The following VPS13D variants were observed in gnomAD, a reference collection of about 807,000 sequenced individuals.
VPS13D encodes the protein vacuolar protein sorting 13 homolog D, also known as intermembrane lipid transfer protein VPS13D.
Under a neutral mutation model 461.9 loss-of-function variants are expected in VPS13D, and 187 were observed. The observed-to-expected ratio is 0.40, with a 90% CI of 0.36 to 0.46. The LOEUF is 0.46. Ranked by LOEUF, VPS13D falls within the 20% of genes least tolerant of loss-of-function variation. VPS13D has a pLI of 0.60. For missense variants in VPS13D, 4,711 were observed against 5,364.9 expected (o/e 0.88, Z 3.81); for synonymous variants, 1,951 against 1,986.3 (o/e 0.98, Z 0.47).
At chr1:12,454,513 A>T (rs1464978580) in intron 65 of VPS13D, among the ~76,000 whole-genome samples, 1 of 152,256 alleles carries the variant, frequency 6.6e-6, no homozygotes, top group Non-Finnish European at 1.5e-5. Flanking sequence ...CCTAGGTTGT[A>T]AAATATTTGG....
intron 30 of VPS13D, among the ~76,000 whole-genome samples, chr1:12,316,086 A>G (rs1159253108): frequency 6.6e-6 from 1 of 152,136 alleles, no homozygotes; most frequent in Non-Finnish European, 1.5e-5. Context: ...AAGTGCTGGG[A>G]TTACAGGTGT....
intron 63 of VPS13D, among the ~76,000 whole-genome samples, chr1:12,412,324 A>T (rs1361772166): frequency 6.6e-6 from 1 of 152,244 alleles, no homozygotes; most frequent in Non-Finnish European, 1.5e-5. Flanking sequence ...ATTTCTCTGC[A>T]GTTGAAAAGC....
rs957114542 is a variant in VPS13D, at chr1:12,288,278, A to T, written c.5690A>T (p.Asn1897Ile). Reference sequence around the variant, plus strand: ...ACCACCAGTGAGCTTGCCAAAGCAAATGTGTCCAAATTAGTAGCACACCTG... The same window carrying T: ...ACCACCAGTGAGCTTGCCAAAGCAATTGTGTCCAAATTAGTAGCACACCTG... Reference protein sequence around the residue: ...NKTTSELAKANVSKLVAHLEM... With the variant: ...NKTTSELAKAIVSKLVAHLEM... Residue 1897 changes from asparagine to isoleucine, a missense_variant, in exon 22 of 70, where the codon AAT (asparagine) becomes ATT (isoleucine). By Grantham distance (149) the Asn-to-Ile change is moderately radical. Transcript: ENST00000620676. The T allele has an allele frequency of 2.5e-6, 4 of 1,614,052 alleles. No individual in the cohort carries two copies. Among genetic ancestry groups the T allele is most frequent in the Admixed American group, 1.7e-5 (1 of 60,010 alleles).
At chr1:12,233,217 G>C (rs560081576) in intron 1 of VPS13D, among the ~76,000 whole-genome samples, 5 of 152,062 alleles carry the variant, frequency 3.3e-5, no homozygotes, top group African/African-American at 1.2e-4. Context: ...TGTTGGCCAG[G>C]CTGGGTTTGG....
At chr1:12,342,509 A>G (rs1643592071) in intron 41 of VPS13D, among the ~76,000 whole-genome samples, 2 of 152,254 alleles carry the variant, frequency 1.3e-5, no homozygotes, top group African/African-American at 4.8e-5. Context: ...ATTTGAAATC[A>G]CATTTCTCCG....
At chr1:12,448,655 A>G (rs1372841985) in intron 65 of VPS13D, among the ~76,000 whole-genome samples, 1 of 152,216 alleles carries the variant, frequency 6.6e-6, no homozygotes, top group African/African-American at 2.4e-5. Context: ...TAGAAAAACT[A>G]TAGGGAAAAT....
At chr1:12,437,657 C>T (rs1645078794) in intron 65 of VPS13D, among the ~76,000 whole-genome samples, 1 of 151,940 alleles carries the variant, frequency 6.6e-6, no homozygotes, top group Non-Finnish European at 1.5e-5. Context: ...TCCATCCTTT[C>T]TTTTTCCATT....
chr1:12,294,977 C>CT (rs1294428075), intron 24 of VPS13D, among the ~76,000 whole-genome samples: 2 of 151,984 alleles, frequency 1.3e-5, no homozygotes, highest in Non-Finnish European at 2.9e-5. Context: ...AATCCCAGCA[C>CT]TTTGGGGGGC....
Position 12,367,991 on chromosome 1 carries a change from G to A in VPS13D, c.10449-477G>A, listed in dbSNP as rs570193054. ...TCACCACGTTGCCCAGGCTGGTCTC[G>A]AACTCCTGGGCTAAAGTGATCCTCC... is the stretch of plus-strand genomic sequence containing the variant. On this transcript the variant is annotated intron_variant, in intron 52 of 69. Transcript: ENST00000620676. Among the ~76,000 whole-genome samples, 3 of 152,000 alleles carry A rather than the reference G, an allele frequency of 2.0e-5. No individual in the cohort carries two copies. The South Asian group carries it at 6.2e-4, about 32-fold the overall frequency.
In VPS13D at chr1:12,401,699, A is replaced by T; in HGVS notation, c.11876A>T (p.Glu3959Val). 1 of 1,612,736 alleles carries T rather than the reference A, an allele frequency of 6.2e-7. No homozygotes were observed. Residue 3959 changes from glutamate to valine, a missense_variant, in exon 62 of 70, where the codon GAA becomes GTA. Physicochemically the swap from Glu to Val is moderately radical, Grantham distance 121. Coordinates refer to ENST00000620676, the MANE Select transcript of VPS13D (RefSeq NM_015378.4). ...LLSFFGYDQA[E>V]SEVEKYDENL... ...AGTTTCTTTGGCTACGATCAAGCAGAATCAGGTAATGTTGAATGTTCTATG... is the reference window on the plus strand; with the variant it reads ...AGTTTCTTTGGCTACGATCAAGCAGTATCAGGTAATGTTGAATGTTCTATG...
Position 12,299,370 on chromosome 1 carries a change from T to C in VPS13D, c.6202T>C (p.Ser2068Pro). The change falls in exon 25 of 70, where the codon TCC becomes CCC. Residue 2068 changes from serine (S) to proline (P), a missense_variant. By Grantham distance (74) the Ser-to-Pro change is moderately conservative. Coordinates refer to ENST00000620676, the MANE Select transcript of VPS13D (RefSeq NM_015378.4). This position sits in a 1 kb window ranked among gnomAD's most constrained non-coding sequence, Gnocchi z 4.2. ...FLFAGFPGTF[S>P]LQDKESVPSA... ...GTTTGCTGGTTTTCCTGGCACCTTT[T>C]CCCTACAAGATAAGGTGAGCAATCA... 1 of 1,611,792 alleles carries C rather than the reference T, an allele frequency of 6.2e-7. No homozygotes were observed. Among genetic ancestry groups the C allele is most frequent in the African/African-American group, 1.3e-5 (1 of 74,976 alleles).
At chr1:12,471,502 A>G (rs1291040279) in intron 67 of VPS13D, among the ~76,000 whole-genome samples, 1 of 152,186 alleles carries the variant, frequency 6.6e-6, no homozygotes, top group Non-Finnish European at 1.5e-5. Context: ...CTCAGAGGCA[A>G]TCACTTTCAA....
chr1:12,345,116 G>T (rs537937555), intron 42 of VPS13D: 47 of 341,762 alleles, frequency 1.4e-4, no homozygotes, highest in African/African-American at 8.9e-4. Context: ...CTCGTGTTTA[G>T]GTTTTGCGTG....
intron 67 of VPS13D, among the ~76,000 whole-genome samples, chr1:12,479,046 A>G (rs1645675692): frequency 6.6e-6 from 1 of 152,212 alleles, no homozygotes; most frequent in South Asian, 2.1e-4. Context: ...CTGTGAGCCC[A>G]GAGTTCTCAC....
At chr1:12,460,483 A>T (rs767584842) in intron 67 of VPS13D, 87 bp downstream of exon 67, 111 of 1,229,256 alleles carry the variant, frequency 9.0e-5, no homozygotes, top group Middle Eastern at 8.9e-4. Context: ...TTAATTGTGC[A>T]CTTTCTTAGT....
intron 68 of VPS13D, chr1:12,500,317 T>C: frequency 2.4e-6 from 2 of 849,526 alleles, no homozygotes; most frequent in Non-Finnish European, 2.8e-6. Flanking sequence ...CCCATCTTTC[T>C]CAGTTTTGGT....
chr1:12,241,455 A>AATT (rs1385984005), intron 2 of VPS13D, among the ~76,000 whole-genome samples: 3 of 152,226 alleles, frequency 2.0e-5, no homozygotes, highest in Non-Finnish European at 4.4e-5. Flanking sequence ...TCTCGCAAAC[A>AATT]ATTTTGTAAA....
At chr1:12,295,857 AT>A (rs928541450) in intron 24 of VPS13D, among the ~76,000 whole-genome samples, 1 of 152,170 alleles carries the variant, frequency 6.6e-6, no homozygotes, top group Non-Finnish European at 1.5e-5. Flanking sequence ...CACTCTGGTG[AT>A]TTTTGGGTCT....
chr1:12,372,568 A>G (rs1432748716), intron 54 of VPS13D, among the ~76,000 whole-genome samples: 1 of 152,010 alleles, frequency 6.6e-6, no homozygotes, highest in Non-Finnish European at 1.5e-5. Context: ...TTACCTTTTT[A>G]TTGTTGAATT....
Sources: gnomAD v4.1 joint callset for allele counts (sites outside exome capture counted in the v4.1 genomes callset) on GRCh38, gnomAD v4.1.1 for gene constraint, Gnocchi (gnomAD v3.1) non-coding constraint, MANE v1.5 for transcripts, NCBI Gene and HGNC (gene_info 2026-07-23, HGNC 2026-07-21) for gene names.